The following CCSER1 variants were observed in gnomAD, a reference collection of about 807,000 sequenced individuals.
CCSER1 encodes the protein coiled-coil serine rich protein 1, also known as serine-rich coiled-coil domain-containing protein 1.
In CCSER1, 41 loss-of-function variants were observed where a neutral mutation model predicts 82.0. The ratio of observed to expected loss-of-function variants is 0.50; its 90% CI spans 0.39 to 0.65. The LOEUF is 0.65. CCSER1 is among the 30% of genes least tolerant of loss of function. The pLI is 0.00. For synonymous variants in CCSER1, 414 were observed against 383.9 expected (o/e 1.08, Z -0.92); for missense variants, 1,119 against 1,064.2 (o/e 1.05, Z -0.72).
chr4:90,544,408 G>A (rs1776493634), intron 5 of CCSER1, among the ~76,000 whole-genome samples: 1 of 152,144 alleles, frequency 6.6e-6, no homozygotes, highest in Non-Finnish European at 1.5e-5. Flanking sequence ...AGGAAGAGAT[G>A]CATGTGGCAG....
intron 9 of CCSER1, among the ~76,000 whole-genome samples, chr4:91,015,733 C>T (rs554471816): frequency 6.6e-6 from 1 of 151,684 alleles, no homozygotes; most frequent in Non-Finnish European, 1.5e-5. Context: ...AATATTAATC[C>T]TTAATTTTTA....
chr4:91,493,156 T>A (rs1369406239), intron 10 of CCSER1, among the ~76,000 whole-genome samples: 1 of 150,618 alleles, frequency 6.6e-6, no homozygotes, highest in Non-Finnish European at 1.5e-5. Flanking sequence ...TGAGTCTTAT[T>A]TGAGTCATTT....
At chr4:91,455,725 G>T (rs1026943297) in intron 10 of CCSER1, among the ~76,000 whole-genome samples, 2 of 152,062 alleles carry the variant, frequency 1.3e-5, no homozygotes, top group African/African-American at 4.8e-5. Context: ...CCAGCACTAT[G>T]CCTGAAATAT....
At chr4:91,334,520 A>C (rs931323814) in intron 10 of CCSER1, among the ~76,000 whole-genome samples, 9 of 152,084 alleles carry the variant, frequency 5.9e-5, no homozygotes, top group African/African-American at 1.2e-4. Context: ...AATAAGGTAG[A>C]GAAAAGAAAA....
intron 3 of CCSER1, among the ~76,000 whole-genome samples, chr4:90,395,530 T>A (rs1393098792): frequency 2.0e-5 from 3 of 152,192 alleles, no homozygotes; most frequent in African/African-American, 4.8e-5. Flanking sequence ...TTCTGAGTTG[T>A]CAACTAGATG....
intron 9 of CCSER1, among the ~76,000 whole-genome samples, chr4:90,948,443 A>G (rs181506256): frequency 6.6e-6 from 1 of 151,882 alleles, no homozygotes; most frequent in Admixed American, 6.6e-5. Flanking sequence ...CTTGTTCTCA[A>G]TTTTTTTCGT....
chr4:91,343,772 A>G (rs948107944), intron 10 of CCSER1, among the ~76,000 whole-genome samples: 2 of 152,276 alleles, frequency 1.3e-5, no homozygotes, highest in African/African-American at 4.8e-5. Flanking sequence ...TCATCAGACA[A>G]TACGATCTAT....
At chr4:90,823,703 TACTGAATTTTAATAATATCTTCAAA>T (rs1190015016) in intron 8 of CCSER1, among the ~76,000 whole-genome samples, 124 of 152,088 alleles carry the variant, frequency 8.2e-4, no homozygotes, top group Admixed American at 1.4e-3. Flanking sequence ...TTAAATATTT[TACTGAATTTTAATAATATCTTCAAA>T]ACTGAACTTT....
intron 1 of CCSER1, among the ~76,000 whole-genome samples, chr4:90,227,790 C>T (rs1018136559): frequency 7.2e-5 from 11 of 152,146 alleles, no homozygotes; most frequent in African/African-American, 1.2e-4. Context: ...CGAAGCAGGG[C>T]GAGGCATTGC....
intron 4 of CCSER1, among the ~76,000 whole-genome samples, chr4:90,414,451 T>C (rs1336098473): frequency 1.3e-5 from 2 of 152,100 alleles, no homozygotes; most frequent in Non-Finnish European, 2.9e-5. Flanking sequence ...AAATATTACA[T>C]TTATTGTTTC....
chr4:91,369,882 A>G (rs769931973), intron 10 of CCSER1, among the ~76,000 whole-genome samples: 3 of 149,556 alleles, frequency 2.0e-5, no homozygotes, highest in Non-Finnish European at 4.4e-5. Flanking sequence ...GGGTTTCACC[A>G]TGTTGGCCAG....
At chr4:91,412,646 T>G (rs1046606624) in intron 10 of CCSER1, among the ~76,000 whole-genome samples, 2 of 152,166 alleles carry the variant, frequency 1.3e-5, no homozygotes, top group South Asian at 4.1e-4. Flanking sequence ...AGTAGGCACA[T>G]GTCCTGGCTC....
At chr4:91,458,778 G>A (rs979022675) in intron 10 of CCSER1, among the ~76,000 whole-genome samples, 3 of 151,984 alleles carry the variant, frequency 2.0e-5, no homozygotes, top group African/African-American at 7.2e-5. Context: ...AAATGGAATT[G>A]TTTTTTATTT....
At chr4:90,623,851 G>A (rs538878941) in intron 5 of CCSER1, among the ~76,000 whole-genome samples, 1 of 152,172 alleles carries the variant, frequency 6.6e-6, no homozygotes, top group Non-Finnish European at 1.5e-5. Flanking sequence ...TCCTTAAACA[G>A]ATAGTTTCTG....
chr4:90,842,773 G>T (rs1762733496), intron 8 of CCSER1, among the ~76,000 whole-genome samples: 1 of 152,118 alleles, frequency 6.6e-6, no homozygotes, highest in Non-Finnish European at 1.5e-5. Context: ...AAAGGGAGTG[G>T]GTCATTCAAA....
intron 10 of CCSER1, among the ~76,000 whole-genome samples, chr4:91,269,209 C>T (rs112189191): frequency 4.6e-5 from 7 of 152,238 alleles, no homozygotes; most frequent in African/African-American, 1.7e-4. Flanking sequence ...TTTAAGAGAG[C>T]TAATACTTTA....
intron 10 of CCSER1, among the ~76,000 whole-genome samples, chr4:91,159,851 A>G (rs1314395250): frequency 6.6e-6 from 1 of 151,978 alleles, no homozygotes; most frequent in Non-Finnish European, 1.5e-5. Context: ...TTTTAATACC[A>G]TGAATAAATA....
intron 10 of CCSER1, among the ~76,000 whole-genome samples, chr4:91,140,497 ATTC>A (rs1208382291): frequency 1.3e-5 from 2 of 152,082 alleles, no homozygotes; most frequent in East Asian, 1.9e-4. Context: ...ATATATTTAC[ATTC>A]TTCTTTTCTG....
intron 1 of CCSER1, among the ~76,000 whole-genome samples, chr4:90,175,302 C>A (rs1215617575): frequency 6.6e-6 from 1 of 151,830 alleles, no homozygotes; most frequent in Non-Finnish European, 1.5e-5. Context: ...GAAAATGCAA[C>A]TAATTTATGA....
Sources: gnomAD v4.1 joint callset for allele counts (sites outside exome capture counted in the v4.1 genomes callset) on GRCh38, gnomAD v4.1.1 for gene constraint, MANE v1.5 for transcripts, NCBI Gene and HGNC (gene_info 2026-07-23, HGNC 2026-07-21) for gene names.